Variants in LRRC49 observed in about 807,000 individuals in gnomAD.
The protein encoded by LRRC49 is leucine rich repeat containing 49, also known as leucine-rich repeat-containing protein 49.
Under a neutral mutation model 83.3 loss-of-function variants are expected in LRRC49, and 50 were observed. The ratio of observed to expected loss-of-function variants is 0.60; its 90% CI spans 0.48 to 0.76. LRRC49 has a LOEUF of 0.76. Among genes scored for constraint, LRRC49 ranks in the 30% least tolerant of loss-of-function variants. The pLI is 0.00. For synonymous variants in LRRC49, 286 were observed against 283.3 expected (o/e 1.01, Z -0.10); for missense variants, 704 against 809.1 (o/e 0.87, Z 1.58).
At position 70,989,788 on chromosome 15, in the gene LRRC49, G is replaced by A. The variant is rs2037789127; in HGVS notation, c.1169+5531G>A. Among the ~76,000 whole-genome samples, 5 of 152,182 alleles carry A rather than the reference G, an allele frequency of 3.3e-5. No individual in the cohort carries two copies. In the South Asian group the frequency reaches 1.0e-3, roughly 32 times the overall value. On this transcript the variant is annotated intron_variant, in intron 11 of 15. Transcript: ENST00000260382. ...TGTCTACTTTTGGTCTTTGATGATG[G>A]TGATGTACAGATGGGTTTTTGGTGT... is the stretch of plus-strand genomic sequence containing the variant.
chr15:71,035,650 T>C (rs1050541605), intron 14 of LRRC49, among the ~76,000 whole-genome samples: 1 of 152,188 alleles, frequency 6.6e-6, no homozygotes, highest in South Asian at 2.1e-4. Flanking sequence ...TCCAGCTTCA[T>C]TCATGTCCCT....
intron 2 of LRRC49, among the ~76,000 whole-genome samples, chr15:70,874,578 A>C (rs938590063): frequency 1.3e-5 from 2 of 152,216 alleles, no homozygotes; most frequent in African/African-American, 4.8e-5. Flanking sequence ...CAGAAAATTC[A>C]ATCTCAGCTC....
intron 11 of LRRC49, among the ~76,000 whole-genome samples, chr15:71,000,222 G>A (rs575916160): frequency 3.5e-4 from 53 of 152,174 alleles, no homozygotes; most frequent in African/African-American, 1.2e-3. Context: ...TTGTTTTTGG[G>A]GTTTTTTTGT....
intron 7 of LRRC49, among the ~76,000 whole-genome samples, chr15:70,931,838 G>A (rs908695817): frequency 3.3e-5 from 5 of 152,186 alleles, no homozygotes; most frequent in African/African-American, 1.2e-4. Context: ...AGTTTTGCCA[G>A]GAGTGTTAGG....
chr15:70,997,521 C>T (rs968428427), intron 11 of LRRC49, among the ~76,000 whole-genome samples: 4 of 151,948 alleles, frequency 2.6e-5, no homozygotes, highest in African/African-American at 4.8e-5. Context: ...GAGGCTGAGG[C>T]GGGTGGATAA....
chr15:70,893,526 T>TG (rs1491091618), intron 1 of LRRC49, 58 bp from the exon 2 acceptor site: 1 of 963,552 alleles, frequency 1.0e-6, no homozygotes, highest in Non-Finnish European at 1.6e-6. Flanking sequence ...TTTTTTTTTT[T>TG]GGAAATATGT....
At chr15:71,017,672 A>G (rs559364671) in intron 14 of LRRC49, among the ~76,000 whole-genome samples, 21 of 152,334 alleles carry the variant, frequency 1.4e-4, no homozygotes, top group Middle Eastern at 6.8e-3. Flanking sequence ...ATTTTTGCCA[A>G]TGAGATTGAC....
intron 1 of LRRC49, chr15:70,859,132 C>G: frequency 7.4e-7 from 1 of 1,353,884 alleles, no homozygotes; most frequent in East Asian, 2.3e-5. Context: ...ACAACATGTT[C>G]CAGAGCTATA....
At chr15:71,010,121 A>G in intron 13 of LRRC49, 129 bp downstream of exon 13, 1 of 515,530 alleles carries the variant, frequency 1.9e-6, no homozygotes, top group Admixed American at 4.0e-5. Flanking sequence ...TTTTAAATTG[A>G]CATTTAAAAT....
chr15:71,033,027 G>T (rs1460604548), intron 14 of LRRC49, among the ~76,000 whole-genome samples: 1 of 152,212 alleles, frequency 6.6e-6, no homozygotes, highest in Non-Finnish European at 1.5e-5. Context: ...TCAGGCAAGA[G>T]AAAGAAATAA....
intron 11 of LRRC49, among the ~76,000 whole-genome samples, chr15:71,000,641 A>C (rs910117563): frequency 1.6e-4 from 24 of 152,090 alleles, no homozygotes; most frequent in Non-Finnish European, 2.9e-5. Context: ...CCTTTCATAT[A>C]TAGTTTGTTT....
intron 2 of LRRC49, chr15:70,882,650 C>T: frequency 1.2e-6 from 2 of 1,613,358 alleles, no homozygotes; most frequent in Non-Finnish European, 1.7e-6. Flanking sequence ...GGCTTGAATA[C>T]CTGAAAGAGA....
At chr15:70,921,724 C>T (rs1164454212) in intron 7 of LRRC49, among the ~76,000 whole-genome samples, 1 of 152,140 alleles carries the variant, frequency 6.6e-6, no homozygotes, top group Non-Finnish European at 1.5e-5. Flanking sequence ...TGAACTTCAT[C>T]AGAAGTGTTG....
chr15:70,857,862 C>T (rs2032690300), intron 1 of LRRC49, among the ~76,000 whole-genome samples: 2 of 152,254 alleles, frequency 1.3e-5, no homozygotes, highest in Non-Finnish European at 2.9e-5. Context: ...AGACTCCAGC[C>T]TTGCTGCTGC....
At chr15:70,951,574 G>A (rs2036218542) in intron 8 of LRRC49, among the ~76,000 whole-genome samples, 1 of 152,060 alleles carries the variant, frequency 6.6e-6, no homozygotes, top group South Asian at 2.1e-4. Flanking sequence ...CATTATTGGT[G>A]TATAGAAATG....
intron 11 of LRRC49, among the ~76,000 whole-genome samples, chr15:70,995,624 G>A (rs2038049056): frequency 6.6e-6 from 1 of 152,178 alleles, no homozygotes; most frequent in Admixed American, 6.5e-5. Flanking sequence ...GAATGCAGGA[G>A]TATCTTTTTT....
At chr15:71,045,622 C>T (rs556923592) in intron 15 of LRRC49, among the ~76,000 whole-genome samples, 2 of 152,190 alleles carry the variant, frequency 1.3e-5, no homozygotes, top group Admixed American at 6.5e-5. Flanking sequence ...ATAACCCAAA[C>T]CCTATCAAAA....
intron 2 of LRRC49, chr15:70,873,305 C>A: frequency 1.5e-6 from 2 of 1,364,830 alleles, no homozygotes; most frequent in Admixed American, 2.0e-5. Flanking sequence ...ACATCATATA[C>A]GGTCAAAATA....
At chr15:71,004,471 GA>G in intron 11 of LRRC49, among the ~76,000 whole-genome samples, 1 of 152,158 alleles carries the variant, frequency 6.6e-6, no homozygotes, top group African/African-American at 2.4e-5. Context: ...CCAACATGGT[GA>G]AACCCCGTCT....
Sources: gnomAD v4.1 joint callset for allele counts (sites outside exome capture counted in the v4.1 genomes callset) on GRCh38, gnomAD v4.1.1 for gene constraint, MANE v1.5 for transcripts, NCBI Gene and HGNC (gene_info 2026-07-23, HGNC 2026-07-21) for gene names.